The following KDM6A variants were observed in gnomAD, a reference collection of about 807,000 sequenced individuals.
The protein encoded by KDM6A is lysine demethylase 6A.
KDM6A carries 11 observed loss-of-function variants against 117.6 expected under a neutral mutation model. That is an observed-to-expected ratio of 0.09 (90% CI 0.06 to 0.15). KDM6A has a LOEUF of 0.15. Among genes scored for constraint, KDM6A ranks in the 10% least tolerant of loss-of-function variants. The probability of loss-of-function intolerance (pLI) is 1.00; values close to 1 mark genes in which losing one functional copy is unlikely to be tolerated. For synonymous variants in KDM6A, 384 were observed against 396.1 expected, an observed-to-expected ratio of 0.97 and a Z score of 0.36; for missense variants, 799 against 1,077.3, an observed-to-expected ratio of 0.74 and a Z score of 3.62.
chrX:44,975,553 CT>C (rs1287494726), intron 4 of KDM6A, among the ~76,000 whole-genome samples: 2 of 110,234 alleles, frequency 1.8e-5, no homozygotes, highest in South Asian at 3.8e-4. Flanking sequence ...TAATCTCTGG[CT>C]TTTTTTTAAA....
At chrX:45,080,140 TTA>T (rs1569537752) in intron 21 of KDM6A, among the ~76,000 whole-genome samples, 2 of 111,028 alleles carry the variant, frequency 1.8e-5, no homozygotes, top group Non-Finnish European at 3.8e-5. Flanking sequence ...AACTACTGAT[TTA>T]GAGGATAAAC....
chrX:44,923,562 T>TG (rs1214616872), intron 2 of KDM6A, among the ~76,000 whole-genome samples: 5 of 95,686 alleles, frequency 5.2e-5, no homozygotes, highest in African/African-American at 1.9e-4. Flanking sequence ...TTTTTTTTTT[T>TG]GAGACAGAGT....
At chrX:45,084,704 C>A (rs1048393791) in intron 24 of KDM6A, among the ~76,000 whole-genome samples, 41 of 110,861 alleles carry the variant, frequency 3.7e-4, no homozygotes, top group African/African-American at 1.3e-3. Flanking sequence ...CTCTCTGTAA[C>A]CTTGTTTAAC....
At chrX:45,045,833 A>G (rs2147876843) in intron 8 of KDM6A, among the ~76,000 whole-genome samples, 1 of 111,217 alleles carries the variant, frequency 9.0e-6, no homozygotes, top group South Asian at 3.7e-4. Context: ...ATGGATGTGT[A>G]TATAAGTTGT....
At chrX:44,959,446 TTAAAG>T (rs1298321292) in intron 2 of KDM6A, among the ~76,000 whole-genome samples, 2 of 110,214 alleles carry the variant, frequency 1.8e-5, no homozygotes, top group African/African-American at 3.3e-5. Flanking sequence ...GTTTATATCA[TTAAAG>T]TAAATTTGTG....
intron 4 of KDM6A, among the ~76,000 whole-genome samples, chrX:45,009,727 G>A (rs779684335): frequency 1.2e-4 from 13 of 111,522 alleles, no homozygotes; most frequent in Non-Finnish European, 2.1e-4. Flanking sequence ...CATACTTAGG[G>A]CAAGATGACT....
chrX:45,026,445 T>G (rs1164453845), intron 6 of KDM6A, among the ~76,000 whole-genome samples: 2 of 112,016 alleles, frequency 1.8e-5, no homozygotes, highest in East Asian at 5.5e-4. Context: ...GTGTACCTCC[T>G]TTTAGAAACC....
chrX:44,995,215 T>TTTC (rs2040807652), intron 4 of KDM6A, among the ~76,000 whole-genome samples: 1 of 111,127 alleles, frequency 9.0e-6, no homozygotes, highest in Non-Finnish European at 1.9e-5. Flanking sequence ...GTTTCCTAAG[T>TTTC]CTCAGGGCAT....
Position 45,090,786 on chromosome X carries a change from T to G in KDM6A, c.3956T>G (p.Ile1319Arg), listed in dbSNP as rs1461259213. The G allele has an allele frequency of 8.3e-7, 1 of 1,208,624 alleles. No homozygotes were observed. The highest frequency in any genetic ancestry group is 3.0e-5 in the East Asian group (1 of 33,777). The change falls in exon 27 of 30, where the codon ATA becomes AGA. Residue 1319 changes from isoleucine (I) to arginine (R), a missense_variant. Ile to Arg is a moderately conservative substitution (Grantham distance 97). Coordinates refer to ENST00000611820, the MANE Select transcript of KDM6A (RefSeq NM_001291415.2). Reference sequence around the variant, plus strand: ...AACAAATTGCAAAGTGTGAAGTCAATAGTACCCATGGTTCATCTTTCCTGG... The same window carrying G: ...AACAAATTGCAAAGTGTGAAGTCAAGAGTACCCATGGTTCATCTTTCCTGG... ...EWNKLQSVKS[I>R]VPMVHLSWNM... is the part of the protein sequence containing the mutation.
chrX:44,917,639 T>C (rs1749158510), intron 2 of KDM6A, among the ~76,000 whole-genome samples: 1 of 111,975 alleles, frequency 8.9e-6, no homozygotes, highest in South Asian at 3.7e-4. Flanking sequence ...TTATTCCTCC[T>C]GCGCTTCCTT....
intron 15 of KDM6A, among the ~76,000 whole-genome samples, chrX:45,062,253 T>C (rs1367140681): frequency 8.9e-6 from 1 of 112,316 alleles, no homozygotes; most frequent in Non-Finnish European, 1.9e-5. Context: ...CACCTTTATT[T>C]AAGCAGATCA....
rs1689234572 is a variant in KDM6A at position 45,021,514 on chromosome X, A to G, written c.564+784A>G. The stretch of plus-strand genomic sequence containing the variant: ...TGCAGACTATCTTGATTCTAAAGGA[A>G]GGGTGGTTGGGGAGATAAAGAATGA... On this transcript the variant is annotated intron_variant, in intron 6 of 29. Coordinates refer to ENST00000611820, the MANE Select transcript of KDM6A (RefSeq NM_001291415.2). Among the ~76,000 whole-genome samples, 4 of 111,561 alleles carry G rather than the reference A, an allele frequency of 3.6e-5. No individual in the cohort carries two copies. In the Admixed American group the frequency reaches 3.8e-4, roughly 11 times the overall value.
At chrX:45,066,218 G>A (rs185851917) in intron 17 of KDM6A, among the ~76,000 whole-genome samples, 1 of 111,743 alleles carries the variant, frequency 8.9e-6, no homozygotes, top group African/African-American at 3.3e-5. Context: ...ATTGTAGTTC[G>A]CTTCAAGATA....
chrX:45,083,441 A>T lies in KDM6A; in HGVS notation c.3441-19A>T. The T allele has an allele frequency of 8.3e-7, 1 of 1,203,261 alleles. No individual in the cohort carries two copies. ...TATTTGTAGCAGAGTTTCACTTTTG[A>T]TGTGTTATTTTATTGCAGGTGGAAG... On this transcript the variant is annotated intron_variant, in intron 23 of 29. Transcript: ENST00000611820.
chrX:44,946,159 C>T (rs752303303), intron 2 of KDM6A, among the ~76,000 whole-genome samples: 5 of 112,358 alleles, frequency 4.5e-5, no homozygotes, highest in Non-Finnish European at 7.5e-5. Context: ...TGCAGTGGCA[C>T]GATCTTGGCT....
intron 2 of KDM6A, among the ~76,000 whole-genome samples, chrX:44,943,174 T>C (rs2037434795): frequency 1.8e-5 from 2 of 111,486 alleles, no homozygotes; most frequent in Non-Finnish European, 3.8e-5. Flanking sequence ...ATTGGGAGTT[T>C]GGTTTGGTTC....
intron 21 of KDM6A, among the ~76,000 whole-genome samples, chrX:45,080,926 T>G (rs1194211593): frequency 8.9e-6 from 1 of 111,797 alleles, no homozygotes; most frequent in Non-Finnish European, 1.9e-5. Flanking sequence ...CAAAGAAAGC[T>G]TGGGGTTTTG....
chrX:45,086,147 T>C (rs905330398), intron 25 of KDM6A, 168 bp downstream of exon 25: 16 of 423,351 alleles, frequency 3.8e-5, no homozygotes, highest in Non-Finnish European at 6.3e-5. Flanking sequence ...TTTTGTGTTA[T>C]TGGAAATACT....
chrX:45,033,753 A>G (rs780207396), intron 6 of KDM6A, among the ~76,000 whole-genome samples: 1 of 109,870 alleles, frequency 9.1e-6, no homozygotes, highest in Admixed American at 9.8e-5. Flanking sequence ...GGGTTTCAGT[A>G]TATTGGTCAG....
Sources: allele counts gnomAD v4.1 joint callset (sites outside exome capture counted in the v4.1 genomes callset), GRCh38; gene constraint gnomAD v4.1.1; transcripts MANE v1.5; gene names NCBI Gene and HGNC (gene_info 2026-07-23, HGNC 2026-07-21).